PPM1H: variants seen among roughly 807,000 people sequenced by gnomAD.
PPM1H encodes the protein protein phosphatase, Mg2+/Mn2+ dependent 1H.
Under a neutral mutation model 54.9 loss-of-function variants are expected in PPM1H, and 27 were observed. That is an observed-to-expected ratio of 0.49 (90% confidence interval 0.36 to 0.68). PPM1H has a LOEUF of 0.68. PPM1H is among the 30% of genes least tolerant of loss of function. The pLI, the probability that PPM1H is intolerant of heterozygous loss-of-function variation, is 0.00. For missense variants in PPM1H, 596 were observed against 667.8 expected, an observed-to-expected ratio of 0.89 and a Z score of 1.19; for synonymous variants, 305 against 270.8, an observed-to-expected ratio of 1.13 and a Z score of -1.24.
At chr12:62,887,975 C>T (rs1056991286) in intron 1 of PPM1H, among the ~76,000 whole-genome samples, 3 of 152,106 alleles carry the variant, frequency 2.0e-5, no homozygotes, top group African/African-American at 7.2e-5. Flanking sequence ...CTAGAAGCCA[C>T]AGAAGGGCAT....
At chr12:62,871,713 G>A (rs1025534094) in intron 1 of PPM1H, among the ~76,000 whole-genome samples, 15 of 151,774 alleles carry the variant, frequency 9.9e-5, no homozygotes, top group African/African-American at 3.1e-4. Flanking sequence ...ACAGGGTTTT[G>A]CCATGTTGCC....
intron 2 of PPM1H, among the ~76,000 whole-genome samples, chr12:62,816,161 TAC>T (rs1489631109): frequency 6.6e-6 from 1 of 152,160 alleles, no homozygotes; most frequent in Non-Finnish European, 1.5e-5. Flanking sequence ...TGCTAATGGA[TAC>T]AGAGGCAGCA....
At chr12:62,787,621 T>A (rs1454693982) in intron 4 of PPM1H, among the ~76,000 whole-genome samples, 1 of 152,128 alleles carries the variant, frequency 6.6e-6, no homozygotes, top group Non-Finnish European at 1.5e-5. Flanking sequence ...GGAATTTGGG[T>A]CTAGCTTGGG....
chr12:62,693,284 C>T (rs1272626322), intron 7 of PPM1H, among the ~76,000 whole-genome samples: 3 of 152,194 alleles, frequency 2.0e-5, no homozygotes, highest in African/African-American at 7.2e-5. Context: ...ACGTGCTGTT[C>T]AGTGCTGGAT....
intron 1 of PPM1H, among the ~76,000 whole-genome samples, chr12:62,924,904 G>C (rs1278367700): frequency 6.6e-6 from 1 of 152,126 alleles, no homozygotes; most frequent in Non-Finnish European, 1.5e-5. Flanking sequence ...TTAGCCAGGT[G>C]TGGTGGCGCA....
intron 7 of PPM1H, among the ~76,000 whole-genome samples, chr12:62,690,405 C>T (rs994197249): frequency 6.6e-6 from 1 of 152,172 alleles, no homozygotes; most frequent in Non-Finnish European, 1.5e-5. Flanking sequence ...ACCTATCCTG[C>T]TAAGATCTCC....
intron 6 of PPM1H, among the ~76,000 whole-genome samples, chr12:62,706,041 G>C (rs888590204): frequency 4.6e-5 from 7 of 152,200 alleles, no homozygotes; most frequent in Non-Finnish European, 2.9e-5. Flanking sequence ...GAGTCCTGCA[G>C]TGTCCCCTGG....
At chr12:62,710,069 C>T (rs953597130) in intron 6 of PPM1H, among the ~76,000 whole-genome samples, 7 of 150,286 alleles carry the variant, frequency 4.7e-5, no homozygotes, top group East Asian at 2.0e-4. Context: ...AGTGAAACTC[C>T]GTCTCAAAAA....
At chr12:62,684,960 C>T (rs1371692491) in intron 8 of PPM1H, among the ~76,000 whole-genome samples, 1 of 152,016 alleles carries the variant, frequency 6.6e-6, no homozygotes, top group African/African-American at 2.4e-5. Context: ...CCCTTGTGTT[C>T]TCCTCCATAG....
chr12:62,905,200 T>C (rs1253540867), intron 1 of PPM1H, among the ~76,000 whole-genome samples: 1 of 152,214 alleles, frequency 6.6e-6, no homozygotes, highest in Non-Finnish European at 1.5e-5. Context: ...GTGAGCATCA[T>C]GTAAGTAATT....
chr12:62,797,650 C>A (rs574172769), intron 3 of PPM1H, among the ~76,000 whole-genome samples: 50 of 152,046 alleles, frequency 3.3e-4, no homozygotes, highest in Non-Finnish European at 6.2e-4. Context: ...CTCTCAAAAA[C>A]CTAATATTGA....
At chr12:62,732,776 G>C (rs1004848544) in intron 5 of PPM1H, among the ~76,000 whole-genome samples, 24 of 151,946 alleles carry the variant, frequency 1.6e-4, no homozygotes, top group Non-Finnish European at 3.4e-4. Context: ...GTTTCACCGT[G>C]TTAGCCAGGA....
chr12:62,793,981 C>T (rs2076716588), intron 3 of PPM1H, among the ~76,000 whole-genome samples: 1 of 151,970 alleles, frequency 6.6e-6, no homozygotes, highest in Non-Finnish European at 1.5e-5. Context: ...GACCTGGCAG[C>T]TCCCCCTAGC....
intron 3 of PPM1H, among the ~76,000 whole-genome samples, chr12:62,794,715 T>A (rs1237314904): frequency 6.6e-6 from 1 of 152,064 alleles, no homozygotes; most frequent in Non-Finnish European, 1.5e-5. Context: ...CCTCCATGAG[T>A]CTGAAATGTT....
At chr12:62,722,285 G>A (rs1169101995) in intron 5 of PPM1H, among the ~76,000 whole-genome samples, 2 of 152,080 alleles carry the variant, frequency 1.3e-5, no homozygotes, top group Admixed American at 6.5e-5. Flanking sequence ...TACCCAAGCT[G>A]GACTAACATG....
chr12:62,646,801 G>C lies in PPM1H; in HGVS notation c.*1688C>G, dbSNP rs779630570. 2 of 152,206 alleles carry C rather than the reference G, an allele frequency of 1.3e-5. No individual in the cohort carries two copies. Among genetic ancestry groups the C allele is most frequent in the Non-Finnish European group, 2.9e-5 (2 of 68,056 alleles). 9.4% of individuals were successfully genotyped at this position (152,206 alleles called of 1,614,324 possible). Reference sequence around the variant, plus strand: ...GGAATGAGTTCTTTCCTGAGCAGGAGGGGCTCCAGGCCTTTTCGAATACAA... The same window carrying C: ...GGAATGAGTTCTTTCCTGAGCAGGACGGGCTCCAGGCCTTTTCGAATACAA... On this transcript the variant is annotated 3_prime_UTR_variant, in exon 10 of 10. Coordinates refer to ENST00000228705, the MANE Select transcript of PPM1H (RefSeq NM_020700.2).
intron 6 of PPM1H, among the ~76,000 whole-genome samples, chr12:62,705,905 G>A (rs755760052): frequency 6.6e-6 from 1 of 152,206 alleles, no homozygotes; most frequent in Non-Finnish European, 1.5e-5. Context: ...GGTGAAAATA[G>A]CAAACAGATT....
At chr12:62,812,912 T>C (rs1240267902) in intron 2 of PPM1H, among the ~76,000 whole-genome samples, 1 of 151,482 alleles carries the variant, frequency 6.6e-6, no homozygotes, top group Middle Eastern at 3.2e-3. Flanking sequence ...GTGGTGTCCA[T>C]TCAGCTTCAG....
rs774874887 is a variant in PPM1H at position 62,802,081 on chromosome 12, C to A, written c.491G>T (p.Arg164Leu). The A allele has an allele frequency of 1.2e-6, 2 of 1,611,890 alleles. No individual in the cohort carries two copies. The highest frequency in any genetic ancestry group is 1.7e-6 in the Non-Finnish European group (2 of 1,178,980). The change falls in exon 3 of 10, where the codon CGC (arginine) becomes CTC (leucine). Residue 164 changes from arginine (R) to leucine (L), a missense_variant. Arg to Leu is a moderately radical substitution (Grantham distance 102, BLOSUM62 -2). Around this residue, in one of 3 missense-constraint regions of PPM1H, gnomAD observed 382 missense variants for 387.1 expected, o/e 0.99. Transcript: ENST00000228705. ...CTCCGTGATGTGGTGCTGCAGCAGG[C>A]GTGACGCCACCACCGCGGCCCCGGA... ...AGSGAAVVAS[R>L]LLQHHITEQL...
Sources: gnomAD v4.1 joint callset for allele counts (sites outside exome capture counted in the v4.1 genomes callset) on GRCh38, gnomAD v4.1.1 for gene constraint, gnomAD v4.1.1 regional missense constraint, MANE v1.5 for transcripts, NCBI Gene and HGNC (gene_info 2026-07-23, HGNC 2026-07-21) for gene names.